GRIA4: variants seen among roughly 807,000 people sequenced by gnomAD.
GRIA4 encodes glutamate ionotropic receptor AMPA type subunit 4.
Under a neutral mutation model 104.0 loss-of-function variants are expected in GRIA4, and 34 were observed. The observed-to-expected ratio is 0.33, with a 90% CI of 0.25 to 0.44. The LOEUF (loss-of-function observed/expected upper bound fraction) is 0.44, where lower values mean the gene tolerates loss of function less well. GRIA4 is among the 20% of genes least tolerant of loss of function. The pLI, the probability that GRIA4 is intolerant of heterozygous loss-of-function variation, is 1.00. For missense variants in GRIA4, 750 were observed against 1,096.5 expected (o/e 0.68, Z 4.46); for synonymous variants, 386 against 381.9 (o/e 1.01, Z -0.13).
At chr11:105,679,469 A>G (rs1390570371) in intron 3 of GRIA4, among the ~76,000 whole-genome samples, 4 of 152,156 alleles carry the variant, frequency 2.6e-5, no homozygotes, top group Non-Finnish European at 5.9e-5. Context: ...AATATACGCA[A>G]TAACAAAGCC....
chr11:105,627,327 G>A (rs923707859), intron 3 of GRIA4, among the ~76,000 whole-genome samples: 1 of 152,064 alleles, frequency 6.6e-6, no homozygotes, highest in Non-Finnish European at 1.5e-5. Context: ...GGAGGGGTTG[G>A]GAGAGGGACT....
intron 9 of GRIA4, among the ~76,000 whole-genome samples, chr11:105,906,122 T>G (rs1402951381): frequency 6.6e-6 from 1 of 152,228 alleles, no homozygotes; most frequent in Non-Finnish European, 1.5e-5. Flanking sequence ...CATGTTTTTA[T>G]GTAATGATAA....
At chr11:105,817,431 T>C (rs1053272632) in intron 4 of GRIA4, among the ~76,000 whole-genome samples, 1 of 151,264 alleles carries the variant, frequency 6.6e-6, no homozygotes, top group Non-Finnish European at 1.5e-5. Flanking sequence ...GGGTGCTTTA[T>C]AGTAATAAAT....
chr11:105,633,294 A>C (rs1197427783), intron 3 of GRIA4, among the ~76,000 whole-genome samples: 1 of 152,238 alleles, frequency 6.6e-6, no homozygotes, highest in East Asian at 1.9e-4. Context: ...TAGAAGATTT[A>C]TACATATTTC....
intron 3 of GRIA4, among the ~76,000 whole-genome samples, chr11:105,737,740 A>T (rs2135638088): frequency 6.6e-6 from 1 of 152,236 alleles, no homozygotes; most frequent in East Asian, 1.9e-4. Flanking sequence ...GGATGGAAGA[A>T]GTACTTAGCC....
At chr11:105,924,290 A>T in intron 11 of GRIA4, 109 bp from the exon 12 acceptor site, 1 of 745,006 alleles carries the variant, frequency 1.3e-6, no homozygotes, top group Non-Finnish European at 2.2e-6. Flanking sequence ...CTCCAAAAAT[A>T]AATGTAGAAT....
chr11:105,786,168 A>G (rs1941958338), intron 4 of GRIA4, among the ~76,000 whole-genome samples: 1 of 131,754 alleles, frequency 7.6e-6, no homozygotes, highest in African/African-American at 2.8e-5. Flanking sequence ...AAAAAAAAGG[A>G]AAGAAAAAGG....
chr11:105,868,769 G>T (rs1945516360), intron 5 of GRIA4, among the ~76,000 whole-genome samples: 1 of 152,156 alleles, frequency 6.6e-6, no homozygotes, highest in Non-Finnish European at 1.5e-5. Flanking sequence ...CAGCAAAGCA[G>T]TCATATCAGC....
intron 3 of GRIA4, among the ~76,000 whole-genome samples, chr11:105,626,200 T>G (rs563745254): frequency 6.6e-6 from 1 of 152,074 alleles, no homozygotes; most frequent in Admixed American, 6.6e-5. Context: ...AAAACAAACA[T>G]AAGGGCCGTG....
intron 4 of GRIA4, among the ~76,000 whole-genome samples, chr11:105,775,565 G>C (rs979369828): frequency 6.6e-6 from 1 of 151,494 alleles, no homozygotes; most frequent in African/African-American, 2.4e-5. Flanking sequence ...ATGACAGCTA[G>C]GAAAAACCAT....
At chr11:105,902,109 A>C (rs1318612320) in intron 7 of GRIA4, among the ~76,000 whole-genome samples, 2 of 152,098 alleles carry the variant, frequency 1.3e-5, no homozygotes, top group African/African-American at 4.8e-5. Context: ...ATTTATCCAG[A>C]AGCTTGTTTT....
At chr11:105,650,693 C>G (rs1951662581) in intron 3 of GRIA4, among the ~76,000 whole-genome samples, 1 of 152,188 alleles carries the variant, frequency 6.6e-6, no homozygotes, top group African/African-American at 2.4e-5. Flanking sequence ...AATTCTGATC[C>G]AGTTGGTCTA....
intron 3 of GRIA4, among the ~76,000 whole-genome samples, chr11:105,658,063 A>G (rs530400709): frequency 1.6e-4 from 24 of 151,980 alleles, no homozygotes; most frequent in African/African-American, 5.1e-4. Context: ...TGTTAACAGC[A>G]TATTTCTTAA....
intron 4 of GRIA4, among the ~76,000 whole-genome samples, chr11:105,807,876 A>G (rs1943015232): frequency 6.6e-6 from 1 of 151,836 alleles, no homozygotes; most frequent in South Asian, 2.1e-4. Flanking sequence ...CATGTTCTGA[A>G]TACTTCTCAT....
intron 4 of GRIA4, among the ~76,000 whole-genome samples, chr11:105,799,718 T>C (rs955957484): frequency 3.9e-5 from 6 of 152,066 alleles, no homozygotes; most frequent in African/African-American, 1.4e-4. Flanking sequence ...AATTTTTAGA[T>C]GAAGCATGAT....
chr11:105,924,294 G>T, intron 11 of GRIA4, 105 bp from the exon 12 acceptor site: 1 of 764,434 alleles, frequency 1.3e-6, no homozygotes, highest in Non-Finnish European at 2.1e-6. Context: ...AAAAATAAAT[G>T]TAGAATAAAC....
At chr11:105,788,562 A>G (rs752366163) in intron 4 of GRIA4, among the ~76,000 whole-genome samples, 8 of 152,190 alleles carry the variant, frequency 5.3e-5, no homozygotes, top group Non-Finnish European at 8.8e-5. Context: ...CTATGCAGCC[A>G]GAAAAAAAGA....
intron 3 of GRIA4, chr11:105,613,390 A>G (rs1950526098): frequency 6.6e-6 from 1 of 152,220 alleles, no homozygotes; most frequent in South Asian, 2.1e-4. Flanking sequence ...ACTGTTTTAA[A>G]TTCATAAATT....
chr11:105,805,478 G>GAAAAAAAAA (rs57123559), intron 4 of GRIA4, among the ~76,000 whole-genome samples: 4 of 92,478 alleles, frequency 4.3e-5, no homozygotes, highest in African/African-American at 1.4e-4. Flanking sequence ...AAGAAATCAG[G>GAAAAAAAAA]AAAAAAAAAA....
Sources: gnomAD v4.1 joint callset for allele counts (sites outside exome capture counted in the v4.1 genomes callset) on GRCh38, gnomAD v4.1.1 for gene constraint, MANE v1.5 for transcripts, NCBI Gene and HGNC (gene_info 2026-07-23, HGNC 2026-07-21) for gene names.